NSDHL: variants seen among roughly 807,000 people sequenced by gnomAD.
NSDHL encodes NAD(P) dependent 3-beta-hydroxysteroid dehydrogenase NSDHL, also known as sterol-4-alpha-carboxylate 3-dehydrogenase, decarboxylating.
A neutral mutation model predicts 23.0 loss-of-function variants in NSDHL; 1 was observed. The observed-to-expected ratio is 0.04, with a 90% CI of 0.02 to 0.21. The LOEUF is 0.21. Ranked by LOEUF, NSDHL falls within the 10% of genes least tolerant of loss-of-function variation. The probability of loss-of-function intolerance (pLI) is 1.00; values close to 1 mark genes in which losing one functional copy is unlikely to be tolerated. For synonymous variants in NSDHL, 128 were observed against 121.1 expected (o/e 1.06, Z -0.37); for missense variants, 237 against 300.9 (o/e 0.79, Z 1.57).
At chrX:152,863,355 G>A (rs1556847717) in intron 5 of NSDHL, among the ~76,000 whole-genome samples, 1 of 111,192 alleles carries the variant, frequency 9.0e-6, no homozygotes, top group Non-Finnish European at 1.9e-5. Context: ...CTAGGAGGTG[G>A]CTGACCCCAG....
In NSDHL at chrX:152,869,128, G is replaced by A. The variant is rs1233025026; in HGVS notation, c.*12G>A. ...GGAGGGTCAAGTGAGGGACACTGGAGGCTGGGCTCTCTCGACACGTTGCTC... is the reference window on the plus strand; with the variant it reads ...GGAGGGTCAAGTGAGGGACACTGGAAGCTGGGCTCTCTCGACACGTTGCTC... On this transcript the variant is annotated 3_prime_UTR_variant, in exon 8 of 8. Transcript: ENST00000370274. 19 of 1,179,289 alleles carry A rather than the reference G, an allele frequency of 1.6e-5. No individual in the cohort carries two copies. The highest frequency in any genetic ancestry group is 2.0e-5 in the Non-Finnish European group (17 of 867,190).
At chrX:152,846,961 C>G (rs1362156024) in intron 2 of NSDHL, among the ~76,000 whole-genome samples, 2 of 112,455 alleles carry the variant, frequency 1.8e-5, no homozygotes, top group Non-Finnish European at 3.8e-5. Flanking sequence ...TTCTTCACAT[C>G]AGTCTGCAAA....
At chrX:152,865,692 C>T in intron 5 of NSDHL, 127 bp from the exon 6 acceptor site, 1 of 863,369 alleles carries the variant, frequency 1.2e-6, no homozygotes, top group Non-Finnish European at 1.7e-6. Flanking sequence ...TGCTCAGTGG[C>T]CACATGCCAG....
At chrX:152,857,432 G>A (rs1556847056) in intron 3 of NSDHL, among the ~76,000 whole-genome samples, 1 of 112,436 alleles carries the variant, frequency 8.9e-6, no homozygotes. Flanking sequence ...CACCACTGAT[G>A]TGGTATTCTT....
intron 3 of NSDHL, among the ~76,000 whole-genome samples, chrX:152,856,564 A>G (rs1048473495): frequency 9.0e-6 from 1 of 111,205 alleles, no homozygotes; most frequent in Non-Finnish European, 1.9e-5. Flanking sequence ...TCTTGGGAAA[A>G]TTGCTCATTC....
At chrX:152,865,276 C>G (rs1213301445) in intron 5 of NSDHL, among the ~76,000 whole-genome samples, 4 of 111,827 alleles carry the variant, frequency 3.6e-5, no homozygotes, top group Non-Finnish European at 7.5e-5. Context: ...TGTTTCTCCC[C>G]AGGCATGGTC....
intron 3 of NSDHL, among the ~76,000 whole-genome samples, chrX:152,851,731 T>C (rs1321494824): frequency 9.0e-6 from 1 of 110,632 alleles, no homozygotes; most frequent in Non-Finnish European, 1.9e-5. Context: ...CACCGTTCCC[T>C]CCTTGTGGTG....
intron 3 of NSDHL, among the ~76,000 whole-genome samples, chrX:152,855,231 G>A (rs2125011354): frequency 9.1e-6 from 1 of 110,242 alleles, no homozygotes; most frequent in South Asian, 4.0e-4. Context: ...CTGACCTCAA[G>A]TGATCCACCC....
In NSDHL at chrX:152,868,197, G is replaced by A. The variant is rs377238114; in HGVS notation, c.789+524G>A. ...CTGTCACCCTGGCTGGAGTGCAGTG[G>A]CGTGATCTCGGTTCACTGCAACCTC... On this transcript the variant is annotated intron_variant, in intron 7 of 7. Transcript: ENST00000370274. Among the ~76,000 whole-genome samples, 53 of 106,944 alleles carry A rather than the reference G, an allele frequency of 5.0e-4. 1 individual carries two copies. The highest frequency in any genetic ancestry group is 1.7e-3 in the African/African-American group (50 of 29,138). 92.9% of individuals were successfully genotyped at this position (106,944 alleles called of 115,157 possible).
rs1569475560 is a variant in NSDHL at position 152,869,004 on chromosome X, A to G, written c.1010A>G (p.Tyr337Cys). ...MRVALAGTFH[Y>C]YSCERAKKAM... ...GTCGCACTGGCTGGCACATTCCACT[A>G]CTACAGCTGCGAGAGAGCCAAAAAG... The change falls in exon 8 of 8, where the codon TAC becomes TGC. Residue 337 changes from tyrosine to cysteine, a missense_variant. Physicochemically the swap from Tyr to Cys is radical, Grantham distance 194. Around this residue, in one of 3 missense-constraint regions of NSDHL, gnomAD observed 117 missense variants for 99.5 expected, o/e 1.18. Coordinates refer to ENST00000370274, the MANE Select transcript of NSDHL (RefSeq NM_015922.3). 6 of 1,209,796 alleles carry G rather than the reference A, an allele frequency of 5.0e-6. No individual in the cohort carries two copies. The highest frequency in any genetic ancestry group is 6.7e-6 in the Non-Finnish European group (6 of 894,972).
chrX:152,867,845 C>T (rs1361124523), intron 7 of NSDHL, among the ~76,000 whole-genome samples, 172 bp downstream of exon 7: 4 of 111,899 alleles, frequency 3.6e-5, no homozygotes, highest in Admixed American at 2.8e-4. Context: ...GTCACTGCAG[C>T]GTCACATCAC....
At chrX:152,849,625 G>A (rs1293786607) in intron 2 of NSDHL, among the ~76,000 whole-genome samples, 1 of 112,554 alleles carries the variant, frequency 8.9e-6, no homozygotes, top group Admixed American at 9.4e-5. Context: ...GGAAAGCAGA[G>A]CCCTGGGCTC....
intron 4 of NSDHL, 38 bp from the exon 5 acceptor site, chrX:152,862,558 A>T: frequency 8.5e-7 from 1 of 1,179,269 alleles, no homozygotes; most frequent in South Asian, 1.8e-5. Flanking sequence ...AATTGTGATA[A>T]TTTGTGACTT....
chrX:152,835,909 C>G (rs1459583654), intron 1 of NSDHL, among the ~76,000 whole-genome samples: 1 of 112,352 alleles, frequency 8.9e-6, no homozygotes, highest in Non-Finnish European at 1.9e-5. Flanking sequence ...CTAATTTACA[C>G]TCCCACCAAC....
chrX:152,848,656 T>G (rs782642197), intron 2 of NSDHL, among the ~76,000 whole-genome samples: 1 of 112,559 alleles, frequency 8.9e-6, no homozygotes, highest in East Asian at 2.8e-4. Flanking sequence ...CAAGGCAGTC[T>G]GAAATCTTTC....
rs1933007392 is a variant in NSDHL, at chrX:152,831,095, G to A, written c.-66G>A. On this transcript the variant is annotated 5_prime_UTR_variant, in exon 1 of 8. Coordinates refer to ENST00000370274, the MANE Select transcript of NSDHL (RefSeq NM_015922.3). The stretch of plus-strand genomic sequence containing the variant: ...GCAGCCTGCTTGCGAGCTGAGGCCA[G>A]ACAGGGGGGCGCCTACGGACGGGTA... 9.9e-6 allele frequency: 3 copies of A among 301,573 alleles called. No individual in the cohort carries two copies. The highest frequency in any genetic ancestry group is 1.2e-5 in the Non-Finnish European group (2 of 173,456). The allele number at this position is 301,573 out of a possible 1,213,427, so 24.9% of individuals were successfully genotyped here.
At chrX:152,852,766 C>T (rs1168577261) in intron 3 of NSDHL, among the ~76,000 whole-genome samples, 5 of 110,887 alleles carry the variant, frequency 4.5e-5, no homozygotes, top group Non-Finnish European at 9.4e-5. Context: ...ACCAAAGTGC[C>T]CATCCTGGTG....
chrX:152,859,013 G>A (rs1933486593), intron 4 of NSDHL, 97 bp downstream of exon 4: 5 of 735,288 alleles, frequency 6.8e-6, no homozygotes, highest in East Asian at 3.2e-5. Flanking sequence ...GGGCCTAGGC[G>A]GGGTTGCTTC....
At chrX:152,867,153 T>G (rs1255718030) in intron 6 of NSDHL, among the ~76,000 whole-genome samples, 1 of 112,030 alleles carries the variant, frequency 8.9e-6, no homozygotes, top group Non-Finnish European at 1.9e-5. Context: ...CTGCCTTGCC[T>G]TCCTGTTTCT....
Sources: allele counts gnomAD v4.1 joint callset (sites outside exome capture counted in the v4.1 genomes callset), GRCh38; gene constraint gnomAD v4.1.1; regional missense constraint gnomAD v4.1.1; transcripts MANE v1.5; gene names NCBI Gene and HGNC (gene_info 2026-07-23, HGNC 2026-07-21).